The following REPS2 variants were observed in gnomAD, a reference collection of about 807,000 sequenced individuals.
REPS2 encodes RALBP1 associated Eps domain containing 2.
Under a neutral mutation model 53.6 loss-of-function variants are expected in REPS2, and 23 were observed. That is an observed-to-expected ratio of 0.43 (90% CI 0.31 to 0.61). The LOEUF is 0.61. REPS2 is among the 20% of genes least tolerant of loss of function. REPS2 has a pLI of 0.11. For synonymous variants in REPS2, 238 were observed against 218.6 expected (o/e 1.09, Z -0.78); for missense variants, 446 against 534.9 (o/e 0.83, Z 1.64).
chrX:17,029,601 G>A lies in REPS2; in HGVS notation c.749G>A (p.Arg250Gln), dbSNP rs769775460. 3.6e-5 allele frequency: 44 copies of A among 1,205,560 alleles called. No individual in the cohort carries two copies. In the East Asian group the frequency reaches 1.2e-3, roughly 32 times the overall value. The change falls in exon 5 of 18, where the codon CGG (arginine) becomes CAG (glutamine). Residue 250 changes from arginine to glutamine, a missense_variant. Coordinates refer to ENST00000357277, the MANE Select transcript of REPS2 (RefSeq NM_004726.3). ...SSGGPGTKPL[R>Q]HQASLIRSFS... Reference sequence around the variant, plus strand: ...GGGGGCCCAGGAACCAAGCCCCTTCGGCATCAGGCTTCCCTTATCCGGGTA... The same window carrying A: ...GGGGGCCCAGGAACCAAGCCCCTTCAGCATCAGGCTTCCCTTATCCGGGTA...
chrX:16,973,783 GTATTTTATATA>G (rs1184528558), intron 1 of REPS2, among the ~76,000 whole-genome samples: 34 of 108,961 alleles, frequency 3.1e-4, no homozygotes, highest in Non-Finnish European at 6.2e-4. Flanking sequence ...ATATGTATAT[GTATTTTATATA>G]TATTTTATAT....
chrX:17,012,561 A>G (rs1170184869), intron 2 of REPS2, among the ~76,000 whole-genome samples: 2 of 109,730 alleles, frequency 1.8e-5, no homozygotes, highest in African/African-American at 6.7e-5. Context: ...TTTTTTCCTA[A>G]TCAAGGTGAC....
At chrX:16,996,940 CAA>C (rs1040699030) in intron 1 of REPS2, among the ~76,000 whole-genome samples, 1 of 112,468 alleles carries the variant, frequency 8.9e-6, no homozygotes, top group African/African-American at 3.2e-5. Flanking sequence ...CTGAAATCAA[CAA>C]ACTTATAAAA....
chrX:17,056,385 C>A (rs1361314115), intron 8 of REPS2, among the ~76,000 whole-genome samples: 1 of 112,134 alleles, frequency 8.9e-6, no homozygotes, highest in Admixed American at 9.4e-5. Flanking sequence ...AACTCTTATA[C>A]CTAATTTAAA....
downstream of REPS2, among the ~76,000 whole-genome samples, chrX:17,154,849 C>G (rs1018134232): frequency 4.5e-5 from 5 of 111,972 alleles, no homozygotes; most frequent in Non-Finnish European, 9.4e-5. Context: ...CCAGAAGACG[C>G]AAGGCCAGGT....
At chrX:16,948,708 T>C (rs1211869587) in intron 1 of REPS2, among the ~76,000 whole-genome samples, 1 of 112,034 alleles carries the variant, frequency 8.9e-6, no homozygotes, top group African/African-American at 3.2e-5. Flanking sequence ...TTCCTGATGT[T>C]AGAACCCATG....
At chrX:16,976,949 A>G (rs915868471) in intron 1 of REPS2, among the ~76,000 whole-genome samples, 1 of 111,791 alleles carries the variant, frequency 8.9e-6, no homozygotes, top group African/African-American at 3.2e-5. Flanking sequence ...TCCTTGGTTC[A>G]GATGGTCTGT....
In REPS2 at chrX:17,114,194, T is replaced by C. The variant is rs774810168; in HGVS notation, c.1578+10415T>C. Among the ~76,000 whole-genome samples, 4 of 112,120 alleles carry C rather than the reference T, an allele frequency of 3.6e-5. No individual in the cohort carries two copies. In the South Asian group the frequency reaches 1.1e-3, roughly 31 times the overall value. ...TTCCAGTGGTCGGATTTCGAATTAC[T>C]TTTACATTAGCCACTGTTCCCTCCC... is the stretch of plus-strand genomic sequence containing the variant. On this transcript the variant is annotated intron_variant, in intron 14 of 17. Coordinates refer to ENST00000357277, the MANE Select transcript of REPS2 (RefSeq NM_004726.3).
intron 1 of REPS2, among the ~76,000 whole-genome samples, chrX:17,005,637 G>A (rs987838573): frequency 1.3e-4 from 15 of 111,720 alleles, no homozygotes; most frequent in African/African-American, 4.9e-4. Context: ...TAGGTGGGGA[G>A]GAGGATGTTG....
downstream of REPS2, among the ~76,000 whole-genome samples, chrX:17,157,018 G>T (rs185173187): frequency 4.5e-4 from 50 of 111,261 alleles, no homozygotes; most frequent in Non-Finnish European, 7.7e-4. Context: ...ATTTACATGA[G>T]GCATTTGTGT....
At chrX:17,065,837 G>A (rs2062218289) in intron 9 of REPS2, among the ~76,000 whole-genome samples, 2 of 111,272 alleles carry the variant, frequency 1.8e-5, no homozygotes, top group South Asian at 3.8e-4. Context: ...CACCCACCTC[G>A]GCCTCCCATA....
chrX:17,088,998 C>T (rs762777954), intron 13 of REPS2, among the ~76,000 whole-genome samples: 8 of 111,213 alleles, frequency 7.2e-5, no homozygotes, highest in Admixed American at 1.9e-4. Context: ...TACTTTTCTA[C>T]GGGCAATAAC....
At chrX:17,037,038 T>C (rs1443598036) in intron 5 of REPS2, among the ~76,000 whole-genome samples, 1 of 110,545 alleles carries the variant, frequency 9.0e-6, no homozygotes, top group African/African-American at 3.3e-5. Context: ...CTTCACTGAG[T>C]CTACTATAGA....
At chrX:17,080,399 G>A (rs1172880957) in intron 13 of REPS2, among the ~76,000 whole-genome samples, 1 of 108,749 alleles carries the variant, frequency 9.2e-6, no homozygotes, top group Non-Finnish European at 1.9e-5. Context: ...ACAGGTATGA[G>A]CCTCCCCTCA....
chrX:16,966,819 G>A (rs1457413506), intron 1 of REPS2, among the ~76,000 whole-genome samples: 2 of 112,353 alleles, frequency 1.8e-5, no homozygotes, highest in Non-Finnish European at 3.8e-5. Flanking sequence ...GTGTTGAGTG[G>A]TTTGCTGGGT....
chrX:17,102,461 A>G lies in REPS2; in HGVS notation c.1517-1257A>G, dbSNP rs556705023. On this transcript the variant is annotated intron_variant, in intron 13 of 17. Coordinates refer to ENST00000357277, the MANE Select transcript of REPS2 (RefSeq NM_004726.3). The stretch of plus-strand genomic sequence containing the variant: ...CTAAAGAGTAGGAGCCCTGAGATGA[A>G]TAATTCCTGAAGGCTTTCAGCATTC... Among the ~76,000 whole-genome samples the G allele has an allele frequency of 4.0e-4, 45 of 112,086 alleles. No individual in the cohort carries two copies. In the South Asian group the frequency reaches 0.017, roughly 42 times the overall value.
In REPS2 at chrX:17,145,978, G is replaced by A. The variant is rs560700625; in HGVS notation, c.1915-1435G>A. ...CAGAAAATTAGCCGGGCGTGGTGGC[G>A]GGCGCCTGTAGTCCCAGCTACTTGG... On this transcript the variant is annotated intron_variant, in intron 17 of 17. Transcript: ENST00000357277. 2.1e-4 allele frequency among the ~76,000 whole-genome samples: 23 copies of A among 109,434 alleles called. No individual in the cohort carries two copies. In the South Asian group the frequency reaches 4.9e-3, roughly 23 times the overall value.
At chrX:16,980,441 T>C (rs921285142) in intron 1 of REPS2, among the ~76,000 whole-genome samples, 2 of 111,135 alleles carry the variant, frequency 1.8e-5, no homozygotes, top group African/African-American at 6.5e-5. Flanking sequence ...TAGTTGGGAC[T>C]ACGGGAGCGT....
chrX:16,996,274 A>G (rs1344120289), intron 1 of REPS2, among the ~76,000 whole-genome samples: 2 of 112,002 alleles, frequency 1.8e-5, no homozygotes, highest in African/African-American at 6.5e-5. Flanking sequence ...TAATGTGGCT[A>G]TCAGGTCACA....
Sources: allele counts gnomAD v4.1 joint callset (sites outside exome capture counted in the v4.1 genomes callset), GRCh38; gene constraint gnomAD v4.1.1; transcripts MANE v1.5; gene names NCBI Gene and HGNC (gene_info 2026-07-23, HGNC 2026-07-21).